Variants in MAPK4 observed in about 807,000 individuals in gnomAD.
MAPK4 encodes mitogen-activated protein kinase 4, also known as Erk3-related.
Under a neutral mutation model 47.7 loss-of-function variants are expected in MAPK4, and 22 were observed. The observed-to-expected ratio is 0.46, with a 90% confidence interval of 0.33 to 0.66. The LOEUF (loss-of-function observed/expected upper bound fraction) is 0.66. Among genes scored for constraint, MAPK4 ranks in the 30% least tolerant of loss-of-function variants. MAPK4 has a pLI of 0.02. For missense variants in MAPK4, 736 were observed against 831.7 expected (o/e 0.88, Z 1.42); for synonymous variants, 390 against 365.7 (o/e 1.07, Z -0.76).
chr18:50,725,892 G>A (rs759002360), intron 4 of MAPK4, 70 bp from the exon 5 acceptor site: 1 of 1,239,092 alleles, frequency 8.1e-7, no homozygotes, highest in Non-Finnish European at 1.2e-6. Context: ...ATGTCACCGT[G>A]CTGAGGAATC....
chr18:50,567,753 TGG>T (rs796739295), intron 1 of MAPK4, among the ~76,000 whole-genome samples: 19 of 146,780 alleles, frequency 1.3e-4, no homozygotes, highest in African/African-American at 4.3e-4. Flanking sequence ...TGTGTGTGTG[TGG>T]GTGGGTGTGG....
rs2042546087 is a variant in MAPK4 at position 50,602,075 on chromosome 18, G to C, written c.-871+41832G>C. Among the ~76,000 whole-genome samples, 3 of 152,130 alleles carry C rather than the reference G, an allele frequency of 2.0e-5. No homozygotes were observed. The South Asian group carries it at 6.2e-4, about 32-fold the overall frequency. Reference sequence around the variant, plus strand: ...CAGCTTTATCTCACACATTTTTATAGTGTGTTTCTTAAATTATATTTCTCA... The same window carrying C: ...CAGCTTTATCTCACACATTTTTATACTGTGTTTCTTAAATTATATTTCTCA... On this transcript the variant is annotated intron_variant, in intron 1 of 5. Coordinates refer to ENST00000400384, the MANE Select transcript of MAPK4 (RefSeq NM_002747.4).
At chr18:50,670,671 C>T (rs566058666) in intron 2 of MAPK4, among the ~76,000 whole-genome samples, 255 of 150,800 alleles carry the variant, frequency 1.7e-3, no homozygotes, top group Middle Eastern at 6.9e-3. Context: ...GTAGGAGAAT[C>T]GCTTGAACTT....
At chr18:50,638,191 G>A (rs1358056448) in intron 1 of MAPK4, among the ~76,000 whole-genome samples, 1 of 152,164 alleles carries the variant, frequency 6.6e-6, no homozygotes, top group Non-Finnish European at 1.5e-5. Context: ...GAATCTGTCT[G>A]TTTGGCAGCT....
chr18:50,644,935 C>T (rs1047416135), intron 1 of MAPK4, among the ~76,000 whole-genome samples: 2 of 152,216 alleles, frequency 1.3e-5, no homozygotes, highest in Admixed American at 6.5e-5. Flanking sequence ...CTTCTAGAAG[C>T]TGCCACATGG....
intron 2 of MAPK4, among the ~76,000 whole-genome samples, chr18:50,712,939 T>C (rs1025799264): frequency 6.6e-5 from 10 of 152,242 alleles, no homozygotes; most frequent in African/African-American, 1.9e-4. Flanking sequence ...CTTGTTCCTG[T>C]AACTTTTAGA....
intron 2 of MAPK4, among the ~76,000 whole-genome samples, chr18:50,709,225 C>A (rs931313363): frequency 1.3e-5 from 2 of 152,188 alleles, no homozygotes; most frequent in East Asian, 1.9e-4. Flanking sequence ...CTGAAAGAAT[C>A]ACAGTCTCCC....
chr18:50,637,563 C>T (rs954458781), intron 1 of MAPK4, among the ~76,000 whole-genome samples: 1 of 152,240 alleles, frequency 6.6e-6, no homozygotes, highest in Non-Finnish European at 1.5e-5. Flanking sequence ...TGGCCCCAGC[C>T]AGGCTACTTC....
intron 1 of MAPK4, among the ~76,000 whole-genome samples, chr18:50,596,089 T>C (rs2149369756): frequency 6.6e-6 from 1 of 152,318 alleles, no homozygotes; most frequent in South Asian, 2.1e-4. Flanking sequence ...TACTCAGCGC[T>C]GGGAGCTTTT....
intron 1 of MAPK4, among the ~76,000 whole-genome samples, chr18:50,619,643 C>G (rs1341630398): frequency 6.6e-6 from 1 of 152,104 alleles, no homozygotes; most frequent in African/African-American, 2.4e-5. Context: ...CACAAATGGG[C>G]CTTCATCCAG....
intron 1 of MAPK4, among the ~76,000 whole-genome samples, chr18:50,576,905 C>A (rs1318179971): frequency 1.3e-5 from 2 of 152,180 alleles, no homozygotes; most frequent in Non-Finnish European, 2.9e-5. Flanking sequence ...GAGGTCTCTA[C>A]AAATTCAATT....
chr18:50,685,816 G>A lies in MAPK4; in HGVS notation c.546+21312G>A, dbSNP rs1908850309. Among the ~76,000 whole-genome samples the A allele has an allele frequency of 2.0e-5, 3 of 151,878 alleles. No homozygotes were observed. The South Asian group carries it at 6.2e-4, about 32-fold the overall frequency. On this transcript the variant is annotated intron_variant, in intron 2 of 5. Transcript: ENST00000400384. ...GTAAAGCCTGCCATCTTCTTGAATGGCACCAGATACTGACACTCGGTACAC... is the reference window on the plus strand; with the variant it reads ...GTAAAGCCTGCCATCTTCTTGAATGACACCAGATACTGACACTCGGTACAC...
chr18:50,721,881 A>C, intron 3 of MAPK4, 57 bp from the exon 4 acceptor site: 1 of 1,580,996 alleles, frequency 6.3e-7, no homozygotes, highest in Non-Finnish European at 8.7e-7. Flanking sequence ...CTTTTGGGCT[A>C]CTGCACACCA....
intron 1 of MAPK4, among the ~76,000 whole-genome samples, chr18:50,595,744 A>G (rs191893065): frequency 8.5e-5 from 13 of 152,340 alleles, no homozygotes; most frequent in Non-Finnish European, 1.9e-4. Flanking sequence ...CTTATTATGA[A>G]CAGTGACTAC....
At chr18:50,691,460 G>A (rs753587732) in intron 2 of MAPK4, among the ~76,000 whole-genome samples, 19 of 152,212 alleles carry the variant, frequency 1.2e-4, no homozygotes, top group Non-Finnish European at 2.6e-4. Context: ...TTCATGCTCA[G>A]TTGAAATTTG....
At chr18:50,711,363 C>T (rs1285660564) in intron 2 of MAPK4, among the ~76,000 whole-genome samples, 1 of 152,234 alleles carries the variant, frequency 6.6e-6, no homozygotes, top group Non-Finnish European at 1.5e-5. Context: ...AAACCATGTT[C>T]ATCTGCCTCC....
chr18:50,594,488 T>G (rs1246356063), intron 1 of MAPK4, among the ~76,000 whole-genome samples: 1 of 152,192 alleles, frequency 6.6e-6, no homozygotes, highest in African/African-American at 2.4e-5. Context: ...ACAGACACAG[T>G]TGATTCGACA....
At chr18:50,725,244 C>A (rs1305106802) in intron 4 of MAPK4, among the ~76,000 whole-genome samples, 1 of 152,342 alleles carries the variant, frequency 6.6e-6, no homozygotes, top group South Asian at 2.1e-4. Context: ...ATCTATCCAT[C>A]CATCAAGGCT....
chr18:50,618,072 G>A (rs2042699817), intron 1 of MAPK4, among the ~76,000 whole-genome samples: 1 of 152,108 alleles, frequency 6.6e-6, no homozygotes, highest in South Asian at 2.1e-4. Flanking sequence ...TATCATATGT[G>A]TATGTATACA....
Sources: gnomAD v4.1 joint callset for allele counts (sites outside exome capture counted in the v4.1 genomes callset) on GRCh38, gnomAD v4.1.1 for gene constraint, MANE v1.5 for transcripts, NCBI Gene and HGNC (gene_info 2026-07-23, HGNC 2026-07-21) for gene names.